The following DNAH7 variants were observed in gnomAD, a reference collection of about 807,000 sequenced individuals.
DNAH7 encodes the protein axonemal beta dynein heavy chain 7.
Under a neutral mutation model 444.6 loss-of-function variants are expected in DNAH7, and 397 were observed. That is an observed-to-expected ratio of 0.89 (90% confidence interval 0.82 to 0.97). The LOEUF (loss-of-function observed/expected upper bound fraction) is 0.97. Ranked by LOEUF, DNAH7 falls within the 50% of genes least tolerant of loss-of-function variation. The pLI is 0.00. For synonymous variants in DNAH7, 1,636 were observed against 1,624.4 expected (o/e 1.01, Z -0.17); for missense variants, 4,902 against 4,800.8 (o/e 1.02, Z -0.62).
chr2:195,932,058 T>G (rs1688735277), intron 21 of DNAH7, among the ~76,000 whole-genome samples: 1 of 152,258 alleles, frequency 6.6e-6, no homozygotes, highest in Non-Finnish European at 1.5e-5. Context: ...CCCATGAGCA[T>G]GGAATGTTCT....
intron 12 of DNAH7, among the ~76,000 whole-genome samples, chr2:195,991,914 G>C (rs917489094): frequency 2.6e-5 from 4 of 152,174 alleles, no homozygotes; most frequent in African/African-American, 4.8e-5. Flanking sequence ...TCTAATTAAT[G>C]TACATCAGTT....
At chr2:195,861,206 A>G (rs1699994452) in intron 42 of DNAH7, among the ~76,000 whole-genome samples, 1 of 152,134 alleles carries the variant, frequency 6.6e-6, no homozygotes, top group Non-Finnish European at 1.5e-5. Context: ...TAATTTTTGG[A>G]ACCAAAGAAA....
chr2:195,858,060 C>A (rs1326317292), intron 43 of DNAH7, among the ~76,000 whole-genome samples: 8 of 151,574 alleles, frequency 5.3e-5, no homozygotes, highest in Non-Finnish European at 1.2e-4. Context: ...TGTATCCCCC[C>A]AAAAAAAATC....
At chr2:195,779,766 C>T (rs554457284) in intron 58 of DNAH7, among the ~76,000 whole-genome samples, 328 of 152,062 alleles carry the variant, frequency 2.2e-3, no homozygotes, top group African/African-American at 7.3e-3. Context: ...CCACCATGCC[C>T]GGCTAATTTT....
Position 196,001,742 on chromosome 2 carries a change from G to A in DNAH7, c.1106C>T (p.Thr369Ile). Residue 369 changes from threonine to isoleucine, a missense_variant, in exon 11 of 65, where the codon ACT becomes ATT. Transcript: ENST00000312428. The part of the protein sequence containing the change: ...SFFNCAAALM[T>I]LQLQDLTLVS... ...TAAAGTGAGGTCCTGCAGCTGTAAA[G>A]TCATAAGTGCAGCAGCACAGTTGAA... The A allele has an allele frequency of 6.2e-7, 1 of 1,609,304 alleles. No individual in the cohort carries two copies. The highest frequency in any genetic ancestry group is 8.5e-7 in the Non-Finnish European group (1 of 1,177,770).
At chr2:195,791,277 C>G (rs1380361463) in intron 57 of DNAH7, among the ~76,000 whole-genome samples, 4 of 151,240 alleles carry the variant, frequency 2.6e-5, no homozygotes, top group Non-Finnish European at 5.9e-5. Flanking sequence ...ACCATCCTGG[C>G]TAACACAGTG....
intron 37 of DNAH7, 116 bp downstream of exon 37, chr2:195,876,428 T>C (rs1574639672): frequency 2.9e-6 from 3 of 1,018,926 alleles, no homozygotes; most frequent in Non-Finnish European, 4.3e-6. Flanking sequence ...TTAATCCAAA[T>C]TTGTGACATT....
chr2:195,748,766 G>A (rs1278415593), intron 63 of DNAH7, among the ~76,000 whole-genome samples: 2 of 152,134 alleles, frequency 1.3e-5, no homozygotes, highest in Non-Finnish European at 2.9e-5. Flanking sequence ...ATGGTGCTGG[G>A]AAAACTGGCT....
intron 19 of DNAH7, among the ~76,000 whole-genome samples, chr2:195,951,180 C>T (rs1175873661): frequency 6.6e-6 from 1 of 152,026 alleles, no homozygotes; most frequent in East Asian, 1.9e-4. Context: ...TTTATTTCTG[C>T]CTTAATTTAG....
intron 1 of DNAH7, among the ~76,000 whole-genome samples, chr2:196,065,950 C>A (rs531046429): frequency 3.6e-4 from 55 of 152,350 alleles, no homozygotes; most frequent in African/African-American, 1.3e-3. Flanking sequence ...TTACCAACAC[C>A]TCTACAAATG....
chr2:195,827,131 AG>A (rs1697801614), intron 48 of DNAH7, among the ~76,000 whole-genome samples: 1 of 152,214 alleles, frequency 6.6e-6, no homozygotes, highest in Non-Finnish European at 1.5e-5. Context: ...CATGTAACAC[AG>A]GGGTGCTGAT....
chr2:195,993,419 T>TA lies in DNAH7; in HGVS notation c.1354-5191dup, dbSNP rs572075789. On this transcript the variant is annotated intron_variant, in intron 12 of 64. Transcript: ENST00000312428. ...GTCACAGGAATACATAAATGGCAGC[T>TA]AAAAAAAATACAAAAAGTCTAAAAT... Among the ~76,000 whole-genome samples the TA allele has an allele frequency of 2.3e-4, 35 of 151,830 alleles. 1 individual carries two copies. The highest frequency in any genetic ancestry group is 1.9e-3 in the South Asian group (9 of 4,792).
intron 61 of DNAH7, among the ~76,000 whole-genome samples, chr2:195,768,542 A>G (rs192036107): frequency 6.6e-6 from 1 of 151,986 alleles, no homozygotes; most frequent in African/African-American, 2.4e-5. Context: ...ATACGTGTGC[A>G]TGTATCTATA....
chr2:195,954,663 A>G (rs1690511806), intron 19 of DNAH7, among the ~76,000 whole-genome samples: 3 of 152,128 alleles, frequency 2.0e-5, no homozygotes, highest in African/African-American at 7.2e-5. Flanking sequence ...AAGTGTTCCT[A>G]TTTCTCCACA....
intron 63 of DNAH7, among the ~76,000 whole-genome samples, chr2:195,747,458 G>A (rs866248197): frequency 4.6e-5 from 7 of 152,104 alleles, no homozygotes; most frequent in Non-Finnish European, 8.8e-5. Context: ...AATCAATAGA[G>A]AAAGAGGGAA....
intron 47 of DNAH7, among the ~76,000 whole-genome samples, chr2:195,844,503 A>T (rs1241157024): frequency 6.6e-6 from 1 of 152,146 alleles, no homozygotes; most frequent in Non-Finnish European, 1.5e-5. Context: ...CCCAGACTAC[A>T]CAGGTTTTCT....
intron 51 of DNAH7, among the ~76,000 whole-genome samples, chr2:195,814,874 G>C (rs1697150897): frequency 6.6e-6 from 1 of 151,756 alleles, no homozygotes; most frequent in South Asian, 2.1e-4. Context: ...CCCAGTAGCT[G>C]GGACTACAAG....
chr2:195,976,616 T>A (rs1049054841), intron 15 of DNAH7, among the ~76,000 whole-genome samples: 1 of 152,036 alleles, frequency 6.6e-6, no homozygotes, highest in Non-Finnish European at 1.5e-5. Flanking sequence ...GGGCCTTAAA[T>A]GAGAACCAGT....
chr2:195,800,768 T>C (rs1340864570), intron 54 of DNAH7, among the ~76,000 whole-genome samples: 1 of 152,054 alleles, frequency 6.6e-6, no homozygotes, highest in Non-Finnish European at 1.5e-5. Flanking sequence ...TCTATTTTCC[T>C]GGAAAAAAAT....
Sources: gnomAD v4.1 joint callset for allele counts (sites outside exome capture counted in the v4.1 genomes callset) on GRCh38, gnomAD v4.1.1 for gene constraint, MANE v1.5 for transcripts, NCBI Gene and HGNC (gene_info 2026-07-23, HGNC 2026-07-21) for gene names.